Variants in PPP2R5E observed in about 807,000 individuals in gnomAD.
PPP2R5E encodes the protein serine/threonine-protein phosphatase 2A 56 kDa regulatory subunit epsilon isoform.
PPP2R5E carries 4 observed loss-of-function variants against 65.3 expected under a neutral mutation model. The ratio of observed to expected loss-of-function variants is 0.06; its 90% CI spans 0.03 to 0.14. The LOEUF (loss-of-function observed/expected upper bound fraction) is 0.14, where lower values mean the gene tolerates loss of function less well. Ranked by LOEUF, PPP2R5E falls within the 10% of genes least tolerant of loss-of-function variation. The pLI is 1.00. For synonymous variants in PPP2R5E, 183 were observed against 187.4 expected, an observed-to-expected ratio of 0.98 and a Z score of 0.19; for missense variants, 274 against 556.1, an observed-to-expected ratio of 0.49 and a Z score of 5.10.
At chr14:63,499,314 C>T (rs1891735628) in intron 2 of PPP2R5E, among the ~76,000 whole-genome samples, 1 of 152,134 alleles carries the variant, frequency 6.6e-6, no homozygotes, top group African/African-American at 2.4e-5. Flanking sequence ...CATAAAATAG[C>T]CACCTCACTG....
intron 2 of PPP2R5E, among the ~76,000 whole-genome samples, chr14:63,514,625 T>C (rs1342689553): frequency 6.6e-6 from 1 of 152,100 alleles, no homozygotes; most frequent in Non-Finnish European, 1.5e-5. Flanking sequence ...CACAAAGAAT[T>C]CCTTTCCTGC....
chr14:63,393,519 T>C (rs117588845), intron 8 of PPP2R5E, among the ~76,000 whole-genome samples: 9,769 of 152,130 alleles, frequency 0.064, 473 homozygotes, highest in Non-Finnish European at 0.1. Flanking sequence ...CCAGACCATC[T>C]TGGCCAACAT....
At chr14:63,487,551 T>C (rs1187322158) in intron 2 of PPP2R5E, among the ~76,000 whole-genome samples, 1 of 152,300 alleles carries the variant, frequency 6.6e-6, no homozygotes, top group Middle Eastern at 3.4e-3. Context: ...TCGAAATCAA[T>C]CTAATGATTT....
In PPP2R5E at chr14:63,393,883, CTGTT is replaced by C. The variant is rs1566670655; in HGVS notation, c.782_785del (p.Lys261SerfsTer4). 1 of 1,612,242 alleles carries C rather than the reference CTGTT, an allele frequency of 6.2e-7. No individual in the cohort carries two copies. The highest frequency in any genetic ancestry group is 8.5e-7 in the Non-Finnish European group (1 of 1,178,462). On this transcript the variant is annotated frameshift_variant, in exon 8 of 14. Coordinates refer to ENST00000337537, the MANE Select transcript of PPP2R5E (RefSeq NM_006246.5). LOFTEE classifies it high-confidence loss of function. ...AAGGGATCAATACTTTCACCAGAAACTGTTTGTGTTCTGCCTTAAGAGGTAAAGC... is the reference window on the plus strand; with the variant it reads ...AAGGGATCAATACTTTCACCAGAAACTGTGTTCTGCCTTAAGAGGTAAAGC...
intron 3 of PPP2R5E, among the ~76,000 whole-genome samples, chr14:63,435,394 A>G (rs1887907317): frequency 6.6e-6 from 1 of 152,018 alleles, no homozygotes; most frequent in Admixed American, 6.6e-5. Flanking sequence ...GAAGATGGTG[A>G]GTTCTTTACA....
At chr14:63,390,394 A>G (rs1884953084) in intron 10 of PPP2R5E, among the ~76,000 whole-genome samples, 2 of 152,156 alleles carry the variant, frequency 1.3e-5, no homozygotes, top group Admixed American at 6.6e-5. Context: ...GCCGCAAGAA[A>G]CAGAGTTTTT....
intron 11 of PPP2R5E, among the ~76,000 whole-genome samples, chr14:63,384,798 C>T (rs571985837): frequency 2.6e-5 from 4 of 152,118 alleles, no homozygotes; most frequent in African/African-American, 7.2e-5. Flanking sequence ...CGGGTTCAAG[C>T]GATTCTCCTG....
intron 2 of PPP2R5E, among the ~76,000 whole-genome samples, chr14:63,532,269 A>G (rs577525721): frequency 6.6e-6 from 1 of 152,232 alleles, no homozygotes; most frequent in South Asian, 2.1e-4. Flanking sequence ...TTTTCACTAC[A>G]CTTCCTTTTG....
rs1404442949 is a variant in PPP2R5E at position 63,539,520 on chromosome 14, G to A, written c.157+9C>T. On this transcript the variant is annotated intron_variant, in intron 2 of 13. Coordinates refer to ENST00000337537, the MANE Select transcript of PPP2R5E (RefSeq NM_006246.5). The stretch of plus-strand genomic sequence containing the variant: ...GAAAAAGAATGCATCACCTGGTCAT[G>A]AGCCTTACCTTTTAGCAGCGGCAGA... 4.3e-6 allele frequency: 7 copies of A among 1,611,816 alleles called. No homozygotes were observed. Among genetic ancestry groups the A allele is most frequent in the East Asian group, 2.2e-5 (1 of 44,820 alleles).
At chr14:63,486,720 T>C (rs1196723284) in intron 2 of PPP2R5E, among the ~76,000 whole-genome samples, 1 of 152,148 alleles carries the variant, frequency 6.6e-6, no homozygotes. Flanking sequence ...TAAGTCCCAG[T>C]CTGTGGCTCA....
chr14:63,461,251 A>G (rs1430351113), intron 2 of PPP2R5E, among the ~76,000 whole-genome samples: 1 of 152,162 alleles, frequency 6.6e-6, no homozygotes, highest in African/African-American at 2.4e-5. Flanking sequence ...AGGCTATACT[A>G]AAAAAGAGCT....
chr14:63,524,646 C>CCATGACTGA (rs374986537), intron 2 of PPP2R5E, among the ~76,000 whole-genome samples: 1 of 152,206 alleles, frequency 6.6e-6, no homozygotes. Context: ...CCTTACTATT[C>CCATGACTGA]CATGACTGAC....
intron 2 of PPP2R5E, among the ~76,000 whole-genome samples, chr14:63,462,074 T>A (rs61632663): frequency 4.5e-5 from 3 of 67,036 alleles, no homozygotes; most frequent in South Asian, 3.6e-4. Flanking sequence ...TTCAACTGTA[T>A]TTTTTTTTTT....
chr14:63,401,048 A>C (rs1885724876), intron 5 of PPP2R5E, among the ~76,000 whole-genome samples: 1 of 152,194 alleles, frequency 6.6e-6, no homozygotes, highest in African/African-American at 2.4e-5. Flanking sequence ...TCTCAACAAA[A>C]TGCATTGCCG....
rs774257124 is a variant in PPP2R5E at position 63,456,268 on chromosome 14, C to T, written c.158-2383G>A. Reference sequence around the variant, plus strand: ...CTCCTAAAGTACATCATCATTTAAGCAGTGACAACAACAATTAACATTTGT... The same window carrying T: ...CTCCTAAAGTACATCATCATTTAAGTAGTGACAACAACAATTAACATTTGT... On this transcript the variant is annotated intron_variant, in intron 2 of 13. Coordinates refer to ENST00000337537, the MANE Select transcript of PPP2R5E (RefSeq NM_006246.5). Among the ~76,000 whole-genome samples, 67 of 152,178 alleles carry T rather than the reference C, an allele frequency of 4.4e-4. 1 individual carries two copies. The highest frequency in any genetic ancestry group is 9.4e-4 in the Non-Finnish European group (64 of 68,032).
chr14:63,537,146 C>T (rs577111434), intron 2 of PPP2R5E, among the ~76,000 whole-genome samples: 1 of 152,068 alleles, frequency 6.6e-6, no homozygotes, highest in East Asian at 1.9e-4. Context: ...AAACCAATAC[C>T]CTGACTATGA....
At chr14:63,529,058 GC>G (rs1893300942) in intron 2 of PPP2R5E, among the ~76,000 whole-genome samples, 1 of 152,134 alleles carries the variant, frequency 6.6e-6, no homozygotes, top group Non-Finnish European at 1.5e-5. Flanking sequence ...CCTAGAGCAA[GC>G]AATCCTCCTT....
At chr14:63,470,933 A>G (rs1469586987) in intron 2 of PPP2R5E, among the ~76,000 whole-genome samples, 1 of 152,138 alleles carries the variant, frequency 6.6e-6, no homozygotes, top group Non-Finnish European at 1.5e-5. Flanking sequence ...GCACCCTGAT[A>G]TTACAAAGGT....
chr14:63,417,034 T>C (rs1886733916), intron 4 of PPP2R5E, among the ~76,000 whole-genome samples: 1 of 152,212 alleles, frequency 6.6e-6, no homozygotes, highest in Non-Finnish European at 1.5e-5. Flanking sequence ...ACACAGAATC[T>C]GAAATGATAT....
Sources: gnomAD v4.1 joint callset for allele counts (sites outside exome capture counted in the v4.1 genomes callset) on GRCh38, gnomAD v4.1.1 for gene constraint, MANE v1.5 for transcripts, NCBI Gene and HGNC (gene_info 2026-07-23, HGNC 2026-07-21) for gene names.